SLC25A20: variants seen among roughly 807,000 people sequenced by gnomAD.
SLC25A20 encodes the protein mitochondrial carnitine/acylcarnitine carrier protein.
A neutral mutation model predicts 39.7 loss-of-function variants in SLC25A20; 29 were observed. That is an observed-to-expected ratio of 0.73 (90% confidence interval 0.54 to 1.00). The LOEUF is 1.00. Ranked by LOEUF, SLC25A20 falls within the 50% of genes least tolerant of loss-of-function variation. The probability of loss-of-function intolerance (pLI) is 0.00; values close to 1 mark genes in which losing one functional copy is unlikely to be tolerated. For synonymous variants in SLC25A20, 103 were observed against 142.2 expected, an observed-to-expected ratio of 0.72 and a Z score of 1.96; for missense variants, 333 against 379.9, an observed-to-expected ratio of 0.88 and a Z score of 1.03.
At chr3:48,884,149 G>A (rs752836508) in intron 2 of SLC25A20, 25 bp from the exon 3 acceptor site, 1 of 1,612,494 alleles carries the variant, frequency 6.2e-7, no homozygotes, top group Non-Finnish European at 8.5e-7. Context: ...AGAAGCAGAA[G>A]CTGTTTACAG....
intron 6 of SLC25A20, 59 bp downstream of exon 6, chr3:48,859,496 A>G (rs1369429973): frequency 8.1e-6 from 11 of 1,362,524 alleles, no homozygotes; most frequent in Admixed American, 1.7e-5. Flanking sequence ...ATTCACCCAC[A>G]GGAGAGGGCA....
In SLC25A20 at chr3:48,898,506, C is replaced by T. The variant is rs185033629; in HGVS notation, c.105+184G>A. 6.6e-5 allele frequency among the ~76,000 whole-genome samples: 10 copies of T among 152,376 alleles called. No individual in the cohort carries two copies. The East Asian group carries it at 1.9e-3, about 29-fold the overall frequency. On this transcript the variant is annotated intron_variant, in intron 1 of 8. Coordinates refer to ENST00000319017, the MANE Select transcript of SLC25A20 (RefSeq NM_000387.6). ...TTAGAGGCTGCTCACTTTGCGCCGC[C>T]GCCTGGCTCTTTGGGGCGCAAGGTA...
At chr3:48,875,128 G>A (rs1242562587) in intron 4 of SLC25A20, among the ~76,000 whole-genome samples, 1 of 150,194 alleles carries the variant, frequency 6.7e-6, no homozygotes, top group Non-Finnish European at 1.5e-5. Context: ...TTTTGAGACA[G>A]AGTCTTGCTC....
intron 2 of SLC25A20, among the ~76,000 whole-genome samples, chr3:48,885,678 C>T (rs1020548511): frequency 6.6e-6 from 1 of 152,062 alleles, no homozygotes; most frequent in Non-Finnish European, 1.5e-5. Flanking sequence ...TGGTGCATGC[C>T]TGTAATCCCA....
rs192331258 is a variant in SLC25A20 at position 48,895,192 on chromosome 3, G to A, written c.106-3120C>T. ...CCCAGCTAATTTTGTGTTTTTAGTAGAGATGGGATTTCTCCACGTTGCTCA... is the reference window on the plus strand; with the variant it reads ...CCCAGCTAATTTTGTGTTTTTAGTAAAGATGGGATTTCTCCACGTTGCTCA... On this transcript the variant is annotated intron_variant, in intron 1 of 8. Transcript: ENST00000319017. Among the ~76,000 whole-genome samples, 642 of 152,306 alleles carry A rather than the reference G, an allele frequency of 4.2e-3. 2 individuals are homozygous for A. The highest frequency in any genetic ancestry group is 7.0e-3 in the Non-Finnish European group (477 of 68,032).
chr3:48,877,138 G>A (rs2083764336), intron 4 of SLC25A20, among the ~76,000 whole-genome samples: 1 of 150,808 alleles, frequency 6.6e-6, no homozygotes, highest in African/African-American at 2.4e-5. Context: ...TCACAGGCCA[G>A]GCACAGTGGC....
chr3:48,883,974 G>C, intron 3 of SLC25A20, 23 bp downstream of exon 3: 1 of 1,612,096 alleles, frequency 6.2e-7, no homozygotes, highest in Non-Finnish European at 8.5e-7. Flanking sequence ...AACAGCAAGT[G>C]CTCCTGACCT....
chr3:48,857,968 CTT>C (rs755739220), intron 8 of SLC25A20, among the ~76,000 whole-genome samples, 196 bp from the exon 9 acceptor site: 32 of 138,196 alleles, frequency 2.3e-4, no homozygotes, highest in Admixed American at 3.7e-4. Flanking sequence ...CTGCCCACTT[CTT>C]TTTTTTTTTT....
At position 48,879,573 on chromosome 3, in the gene SLC25A20, G is replaced by A. The variant is rs2083784810; in HGVS notation, c.327-125C>T. On this transcript the variant is annotated intron_variant, in intron 3 of 8. Transcript: ENST00000319017. ...AGTACTTGGACTGGGTAGAAGCCTA[G>A]CCACAAATGAATCAGATTTCGCACA... The A allele has an allele frequency of 4.4e-5, 32 of 730,110 alleles. 2 individuals are homozygous for A. In the South Asian group the frequency reaches 4.6e-4, roughly 10 times the overall value. 45.2% of individuals were successfully genotyped at this position (730,110 alleles called of 1,614,324 possible). A position where few individuals can be genotyped will look rare whatever the true frequency, so the allele number is the denominator to read the frequency against.
intron 4 of SLC25A20, among the ~76,000 whole-genome samples, chr3:48,871,343 TAA>T (rs752213351): frequency 3.6e-5 from 5 of 137,668 alleles, no homozygotes; most frequent in African/African-American, 2.7e-5. Flanking sequence ...TGGAACAATT[TAA>T]AAAAAAAAAA....
chr3:48,893,274 A>AT (rs1191829159), intron 1 of SLC25A20, among the ~76,000 whole-genome samples: 5 of 152,018 alleles, frequency 3.3e-5, no homozygotes, highest in African/African-American at 1.2e-4. Flanking sequence ...CATATTGGGT[A>AT]TGAGGTGGTA....
chr3:48,870,365 T>C (rs1328127691), intron 4 of SLC25A20, among the ~76,000 whole-genome samples: 2 of 152,086 alleles, frequency 1.3e-5, no homozygotes, highest in East Asian at 3.9e-4. Context: ...AGAAAGGTTG[T>C]AGAATACAAG....
intron 4 of SLC25A20, among the ~76,000 whole-genome samples, chr3:48,873,705 C>T (rs1197373443): frequency 1.3e-5 from 2 of 151,012 alleles, no homozygotes; most frequent in African/African-American, 4.9e-5. Context: ...ACTGGCCAGG[C>T]GCAGTGGCTC....
In SLC25A20 at chr3:48,898,829, CG is replaced by C. The variant is rs1159845526; in HGVS notation, c.-36del. On this transcript the variant is annotated 5_prime_UTR_variant, in exon 1 of 9. Transcript: ENST00000319017. ...GTCTGTCACTCCGTCTGTCAGTTCT[CG>C]GGCCGTCCTGGCTTCTCAGCCCCAG... 4.1e-5 allele frequency: 63 copies of C among 1,543,738 alleles called. No individual in the cohort carries two copies. The highest frequency in any genetic ancestry group is 1.7e-4 in the Middle Eastern group (1 of 5,928).
At chr3:48,890,485 G>C (rs1012928907) in intron 2 of SLC25A20, among the ~76,000 whole-genome samples, 1 of 150,676 alleles carries the variant, frequency 6.6e-6, no homozygotes, top group Non-Finnish European at 1.5e-5. Flanking sequence ...CACCGCGCCC[G>C]GCCTGATCTT....
chr3:48,879,105 A>G (rs1258605192), intron 4 of SLC25A20, among the ~76,000 whole-genome samples: 1 of 152,018 alleles, frequency 6.6e-6, no homozygotes, highest in Non-Finnish European at 1.5e-5. Flanking sequence ...TCCTGACCTC[A>G]AGTGATCCAT....
At chr3:48,895,360 T>C (rs1397646244) in intron 1 of SLC25A20, among the ~76,000 whole-genome samples, 1 of 152,242 alleles carries the variant, frequency 6.6e-6, no homozygotes, top group African/African-American at 2.4e-5. Flanking sequence ...TCACCTGCTC[T>C]TGAACTCCCA....
Position 48,857,771 on chromosome 3 carries a change from G to A in SLC25A20, c.845C>T (p.Ala282Val), listed in dbSNP as rs772052897. ...GGCAACTTCAAAGCCAAGGAAACAG[G>A]CCTAAGAAGGGATTGGGAGGAAGAA... is the stretch of plus-strand genomic sequence containing the variant. ...VMIRAFPANAACFLGFEVAMK... is the reference protein window; with the variant it reads ...VMIRAFPANAVCFLGFEVAMK... The change falls in exon 9 of 9, where the codon GCC becomes GTC. Residue 282 changes from alanine (A) to valine (V), a missense_variant and splice_region_variant. Ala to Val is a moderately conservative substitution (Grantham distance 64). Coordinates refer to ENST00000319017, the MANE Select transcript of SLC25A20 (RefSeq NM_000387.6). 6.2e-7 allele frequency: 1 copy of A among 1,613,412 alleles called. No individual in the cohort carries two copies. Among genetic ancestry groups the A allele is most frequent in the African/African-American group, 1.3e-5 (1 of 74,854 alleles).
intron 5 of SLC25A20, 135 bp from the exon 6 acceptor site, chr3:48,859,762 C>T: frequency 1.4e-6 from 1 of 710,002 alleles, no homozygotes; most frequent in Admixed American, 2.3e-5. Context: ...CGCGCTTGGC[C>T]TGAATTATTA....
Sources: allele counts gnomAD v4.1 joint callset (sites outside exome capture counted in the v4.1 genomes callset), GRCh38; gene constraint gnomAD v4.1.1; transcripts MANE v1.5; gene names NCBI Gene and HGNC (gene_info 2026-07-23, HGNC 2026-07-21).